The following AKAP9 variants were observed in gnomAD, a reference collection of about 807,000 sequenced individuals.
The protein encoded by AKAP9 is A-kinase anchor protein 9.
In AKAP9, 311 loss-of-function variants were observed where a neutral mutation model predicts 488.5. The observed-to-expected ratio is 0.64, with a 90% CI of 0.58 to 0.70. AKAP9 has a LOEUF of 0.70. Among genes scored for constraint, AKAP9 ranks in the 30% least tolerant of loss-of-function variants. The pLI, the probability that AKAP9 is intolerant of heterozygous loss-of-function variation, is 0.00. For synonymous variants in AKAP9, 1,462 were observed against 1,483.5 expected, an observed-to-expected ratio of 0.99 and a Z score of 0.33; for missense variants, 4,215 against 4,374.5, an observed-to-expected ratio of 0.96 and a Z score of 1.03.
chr7:92,025,382 G>A (rs947897795), intron 14 of AKAP9, among the ~76,000 whole-genome samples: 2 of 152,044 alleles, frequency 1.3e-5, no homozygotes, highest in African/African-American at 2.4e-5. Context: ...AAAATCATTC[G>A]TTTGCTCCCT....
In AKAP9 at chr7:92,093,099, C is replaced by T. The variant is rs778382207; in HGVS notation, c.9361C>T (p.Leu3121Phe). Residue 3121 changes from leucine (L) to phenylalanine (F), a missense_variant and splice_region_variant, in exon 39 of 50, where the codon CTC (leucine) becomes TTC (phenylalanine). Around this residue, in one of 5 missense-constraint regions of AKAP9, gnomAD observed 1,476 missense variants for 1,477.4 expected, o/e 1.00. Transcript: ENST00000356239. The stretch of plus-strand genomic sequence containing the variant: ...AATATTAATCATGTTCTGTGTAGAA[C>T]TCTTGGAATATAATATACAGCAGAA... ...EQESEKPSQE[L>F]LEYNIQQKQS... 4 of 1,611,612 alleles carry T rather than the reference C, an allele frequency of 2.5e-6. No individual in the cohort carries two copies. Among genetic ancestry groups the T allele is most frequent in the Admixed American group, 1.7e-5 (1 of 60,000 alleles).
chr7:92,069,325 C>T (rs907463076), intron 26 of AKAP9, among the ~76,000 whole-genome samples: 1 of 152,042 alleles, frequency 6.6e-6, no homozygotes, highest in Non-Finnish European at 1.5e-5. Context: ...ATGAAAAATC[C>T]ATTTTTTCCC....
chr7:92,080,462 G>A (rs548114559), intron 31 of AKAP9, among the ~76,000 whole-genome samples: 1 of 152,122 alleles, frequency 6.6e-6, no homozygotes, highest in East Asian at 1.9e-4. Flanking sequence ...TCCGGGCGTG[G>A]TGGTGGGTGC....
intron 1 of AKAP9, among the ~76,000 whole-genome samples, chr7:91,967,156 T>C (rs1168057740): frequency 6.6e-6 from 1 of 152,210 alleles, no homozygotes; most frequent in African/African-American, 2.4e-5. Context: ...TTGATTTTTG[T>C]ATGTTGATTG....
At position 92,107,491 on chromosome 7, in the gene AKAP9, T is replaced by G. The variant is rs937464945; in HGVS notation, c.11546+69T>G. On this transcript the variant is annotated intron_variant, in intron 48 of 49. Coordinates refer to ENST00000356239, the MANE Select transcript of AKAP9 (RefSeq NM_005751.5). ...ATATTTAACAGAGATAAATGGACAT[T>G]TTTAGGGCTTTGACTTCTTTGCATT... 1.0e-5 allele frequency: 15 copies of G among 1,474,540 alleles called. No individual in the cohort carries two copies. The Admixed American group carries it at 2.5e-4, about 25-fold the overall frequency. 91.3% of individuals were successfully genotyped at this position (1,474,540 alleles called of 1,614,324 possible).
intron 26 of AKAP9, among the ~76,000 whole-genome samples, chr7:92,068,561 A>G (rs1811171430): frequency 6.6e-6 from 1 of 151,930 alleles, no homozygotes; most frequent in South Asian, 2.1e-4. Context: ...TGCTTTGCTC[A>G]TGAAACTTTA....
intron 5 of AKAP9, among the ~76,000 whole-genome samples, chr7:91,994,004 C>G (rs970711017): frequency 6.6e-6 from 1 of 152,130 alleles, no homozygotes; most frequent in Non-Finnish European, 1.5e-5. Flanking sequence ...TGGTGTGTGC[C>G]TGTAGTCCTA....
intron 8 of AKAP9, among the ~76,000 whole-genome samples, chr7:92,010,816 G>T (rs1318545174): frequency 6.6e-6 from 1 of 151,968 alleles, no homozygotes; most frequent in Non-Finnish European, 1.5e-5. Context: ...ACCACTCCTG[G>T]CTAATTTATT....
intron 14 of AKAP9, among the ~76,000 whole-genome samples, chr7:92,028,851 G>GT (rs1471364148): frequency 6.6e-6 from 1 of 152,134 alleles, no homozygotes; most frequent in Non-Finnish European, 1.5e-5. Flanking sequence ...GCCAAGATAT[G>GT]TTTGTGGAGA....
rs1813260251 is a variant in AKAP9 at position 92,080,101 on chromosome 7, A to G, written c.7968A>G (p.Lys2656=). 3.1e-6 allele frequency: 5 copies of G among 1,592,600 alleles called. No individual in the cohort carries two copies. The highest frequency in any genetic ancestry group is 4.3e-6 in the Non-Finnish European group (5 of 1,176,006). The change falls in exon 31 of 50, where the codon AAA becomes AAG. Residue 2656 remains lysine, a synonymous_variant. Coordinates refer to ENST00000356239, the MANE Select transcript of AKAP9 (RefSeq NM_005751.5). ...LQKLLEGNEK[K]QREKEKKRSP... is the part of the protein sequence containing the mutation. ...AGCTATTGGAGGGCAATGAGAAAAA[A>G]CAGAGAGAGAAAGAAAAGAAAAGAA...
At chr7:92,083,049 C>G (rs1174526778) in intron 32 of AKAP9, 121 bp from the exon 33 acceptor site, 17 of 1,181,806 alleles carry the variant, frequency 1.4e-5, no homozygotes, top group Non-Finnish European at 2.0e-5. Context: ...GTTTTTCCTA[C>G]TACTCTGAGG....
rs753830750 is a variant in AKAP9, at chr7:92,107,349, G to A, written c.11473G>A (p.Glu3825Lys). 2 of 1,613,738 alleles carry A rather than the reference G, an allele frequency of 1.2e-6. No individual in the cohort carries two copies. Among genetic ancestry groups the A allele is most frequent in the Middle Eastern group, 1.6e-4 (1 of 6,062 alleles). Residue 3825 changes from glutamate to lysine, a missense_variant, in exon 48 of 50, where the codon GAA becomes AAA. Glu to Lys is a moderately conservative substitution (Grantham distance 56, BLOSUM62 1). Around this residue, in one of 5 missense-constraint regions of AKAP9, gnomAD observed 253 missense variants for 266.8 expected, o/e 0.95. Coordinates refer to ENST00000356239, the MANE Select transcript of AKAP9 (RefSeq NM_005751.5). ...TTCTGGTGGGCTGGAGTTATATGGA[G>A]AACCAAGACATACTACGTATCGCTC... is the stretch of plus-strand genomic sequence containing the variant. ...HSSGGLELYGEPRHTTYRSRS... is the reference protein window; with the variant it reads ...HSSGGLELYGKPRHTTYRSRS...
chr7:92,000,911 G>T lies in AKAP9; in HGVS notation c.994G>T (p.Glu332Ter). 6.9e-7 allele frequency: 1 copy of T among 1,454,792 alleles called. No homozygotes were observed. Among genetic ancestry groups the T allele is most frequent in the South Asian group, 1.3e-5 (1 of 74,666 alleles). 90.1% of individuals were successfully genotyped at this position (1,454,792 alleles called of 1,614,324 possible). Residue 332 changes from glutamate (E) to a stop codon, truncating the protein, a stop_gained, in exon 8 of 50, where the codon GAA (glutamate) becomes TAA (stop). Coordinates refer to ENST00000356239, the MANE Select transcript of AKAP9 (RefSeq NM_005751.5). LOFTEE classifies it high-confidence loss of function. ...EEIQEKETII[E>*]ELNTKIIEEE... ...AATACAGGAAAAGGAGACAATCATT[G>T]AAGAATTAAACACAAAAATAATAGA...
intron 22 of AKAP9, 103 bp downstream of exon 22, chr7:92,053,061 G>A (rs903530041): frequency 9.9e-7 from 1 of 1,007,038 alleles, no homozygotes; most frequent in African/African-American, 1.6e-5. Flanking sequence ...TAGCTGTTTG[G>A]CATTTTCAAA....
intron 9 of AKAP9, among the ~76,000 whole-genome samples, chr7:92,013,140 C>T (rs898336849): frequency 2.7e-5 from 4 of 150,164 alleles, no homozygotes; most frequent in Middle Eastern, 3.5e-3. Flanking sequence ...TACAGGCGCC[C>T]GCCACTACGC....
At chr7:92,098,588 C>T (rs925232625) in intron 43 of AKAP9, among the ~76,000 whole-genome samples, 9 of 152,184 alleles carry the variant, frequency 5.9e-5, no homozygotes, top group Non-Finnish European at 1.5e-5. Context: ...TTCTTTGTAG[C>T]ATTTGATACT....
In AKAP9 at chr7:92,002,453, C is replaced by G. The variant is rs1364740931; in HGVS notation, c.2536C>G (p.Gln846Glu). 3 of 1,609,948 alleles carry G rather than the reference C, an allele frequency of 1.9e-6. No individual in the cohort carries two copies. In the East Asian group the frequency reaches 6.7e-5, roughly 36 times the overall value. The change falls in exon 8 of 50, where the codon CAA (glutamine) becomes GAA (glutamate). Residue 846 changes from glutamine to glutamate, a missense_variant. Around this residue, in one of 5 missense-constraint regions of AKAP9, gnomAD observed 2,361 missense variants for 2,430.0 expected, o/e 0.97. Transcript: ENST00000356239. ...TCAGCTAAATGAAGAGATTGAAAAG[C>G]AAAGGAACACTTTTTCATTTGCTGA... The part of the protein sequence containing the change: ...CIQLNEEIEK[Q>E]RNTFSFAEKN...
At chr7:92,056,728 A>G (rs1319020606) in intron 22 of AKAP9, among the ~76,000 whole-genome samples, 1 of 151,878 alleles carries the variant, frequency 6.6e-6, no homozygotes, top group Non-Finnish European at 1.5e-5. Flanking sequence ...TTATTAGTCT[A>G]CCTACTGTGA....
intron 21 of AKAP9, among the ~76,000 whole-genome samples, chr7:92,049,513 A>T (rs1307852105): frequency 6.6e-6 from 1 of 152,160 alleles, no homozygotes; most frequent in Non-Finnish European, 1.5e-5. Flanking sequence ...TGGGAGGCTA[A>T]GGCAAGAGAA....
Sources: gnomAD v4.1 joint callset for allele counts (sites outside exome capture counted in the v4.1 genomes callset) on GRCh38, gnomAD v4.1.1 for gene constraint, gnomAD v4.1.1 regional missense constraint, MANE v1.5 for transcripts, NCBI Gene and HGNC (gene_info 2026-07-23, HGNC 2026-07-21) for gene names.